The following ATP2B2 variants were observed in gnomAD, a reference collection of about 807,000 sequenced individuals.
ATP2B2 encodes the protein plasma membrane calcium-transporting ATPase 2.
Under a neutral mutation model 120.0 loss-of-function variants are expected in ATP2B2, and 15 were observed. The observed-to-expected ratio is 0.12, with a 90% CI of 0.08 to 0.19. The LOEUF is 0.19. ATP2B2 is among the 10% of genes least tolerant of loss of function. The pLI, the probability that ATP2B2 is intolerant of heterozygous loss-of-function variation, is 1.00. For missense variants in ATP2B2, 1,045 were observed against 1,719.8 expected, an observed-to-expected ratio of 0.61 and a Z score of 6.94; for synonymous variants, 694 against 700.3, an observed-to-expected ratio of 0.99 and a Z score of 0.14.
chr3:10,683,510 C>A (rs1029701861), intron 1 of ATP2B2, among the ~76,000 whole-genome samples: 1 of 151,686 alleles, frequency 6.6e-6, no homozygotes, highest in African/African-American at 2.4e-5. Flanking sequence ...ACCTTAAGAT[C>A]CTCTGCCAGA....
rs376461116 is a variant in ATP2B2 at position 10,659,523 on chromosome 3, T to G, written c.-459-39562A>C. Among the ~76,000 whole-genome samples the G allele has an allele frequency of 1.2e-4, 18 of 152,274 alleles. No homozygotes were observed. In the East Asian group the frequency reaches 3.3e-3, roughly 28 times the overall value. On this transcript the variant is annotated intron_variant, in intron 1 of 21. Coordinates refer to the ATP2B2 transcript ENST00000646379. ...AGGCCATTACATAATGGTAAAGGGA[T>G]CAATTCAACAAGAAGAGCTAACTAT...
chr3:10,503,793 G>T (rs996529607), intron 1 of ATP2B2, among the ~76,000 whole-genome samples: 1 of 152,240 alleles, frequency 6.6e-6, no homozygotes, highest in Non-Finnish European at 1.5e-5. Flanking sequence ...GCCCTCAGGT[G>T]GGTACACACA....
intron 2 of ATP2B2, among the ~76,000 whole-genome samples, chr3:10,429,497 G>A (rs188200956): frequency 1.4e-4 from 22 of 152,064 alleles, no homozygotes; most frequent in African/African-American, 3.4e-4. Flanking sequence ...TATTGTAACC[G>A]TTTTGGGGCA....
intron 2 of ATP2B2, among the ~76,000 whole-genome samples, chr3:10,558,806 G>A (rs774213512): frequency 9.9e-5 from 15 of 152,122 alleles, no homozygotes; most frequent in Non-Finnish European, 1.6e-4. Flanking sequence ...ATGGATGAGG[G>A]GAGAGCACGG....
intron 1 of ATP2B2, among the ~76,000 whole-genome samples, chr3:10,698,462 C>T (rs1483335527): frequency 6.6e-6 from 1 of 152,170 alleles, no homozygotes; most frequent in African/African-American, 2.4e-5. Flanking sequence ...TCAGCTGAGT[C>T]AGGAAATCCA....
intron 2 of ATP2B2, among the ~76,000 whole-genome samples, chr3:10,421,358 TCTC>T (rs2062974513): frequency 6.6e-6 from 1 of 151,994 alleles, no homozygotes. Flanking sequence ...ACAGGGCCCT[TCTC>T]CTTCCCTGAA....
At chr3:10,508,968 G>A (rs926592411), upstream of ATP2B2, among the ~76,000 whole-genome samples, 2 of 152,198 alleles carry the variant, frequency 1.3e-5, no homozygotes, top group Admixed American at 6.5e-5. Context: ...GGAAGGAGGA[G>A]CCAGCCAATC....
chr3:10,482,693 C>T (rs982989083), intron 1 of ATP2B2, among the ~76,000 whole-genome samples: 1 of 152,254 alleles, frequency 6.6e-6, no homozygotes, highest in Non-Finnish European at 1.5e-5. Context: ...CCAGTCACAG[C>T]TGCCTTCTCA....
intron 1 of ATP2B2, among the ~76,000 whole-genome samples, chr3:10,671,323 C>G (rs1040199280): frequency 6.6e-6 from 1 of 152,172 alleles, no homozygotes; most frequent in East Asian, 1.9e-4. Context: ...GTTTGGGGCC[C>G]TCTCTGTGCC....
chr3:10,355,562 C>T (rs1453429662), intron 14 of ATP2B2, among the ~76,000 whole-genome samples: 1 of 152,314 alleles, frequency 6.6e-6, no homozygotes, highest in South Asian at 2.1e-4. Flanking sequence ...GCTGAGAACA[C>T]TGAGGCTCAG....
intron 1 of ATP2B2, among the ~76,000 whole-genome samples, chr3:10,451,248 C>T (rs2064035626): frequency 6.6e-6 from 1 of 152,158 alleles, no homozygotes; most frequent in South Asian, 2.1e-4. Context: ...GGGGGTGCTC[C>T]CGCGTTTGTC....
intron 3 of ATP2B2, among the ~76,000 whole-genome samples, chr3:10,519,829 T>C (rs1311125316): frequency 6.6e-6 from 1 of 152,270 alleles, no homozygotes; most frequent in Non-Finnish European, 1.5e-5. Flanking sequence ...CTCCACTCTC[T>C]GTGCCAGCAC....
intron 22 of ATP2B2, among the ~76,000 whole-genome samples, chr3:10,336,776 A>G (rs1001880656): frequency 6.6e-6 from 1 of 152,224 alleles, no homozygotes; most frequent in Non-Finnish European, 1.5e-5. Context: ...AGAAGGGTCA[A>G]TGCCACCTGC....
In ATP2B2 at chr3:10,657,592, C is replaced by T. The variant is rs570861017; in HGVS notation, c.-459-37631G>A. ...CTGTGGCTTGAGTAGGTAAACAAAG[C>T]GGCCTGGAAGCTTGAACTGGGTGGA... On this transcript the variant is annotated intron_variant, in intron 1 of 21. Coordinates refer to the ATP2B2 transcript ENST00000646379. Among the ~76,000 whole-genome samples the T allele has an allele frequency of 2.9e-3, 435 of 152,334 alleles. 3 individuals are homozygous for T. The highest frequency in any genetic ancestry group is 4.9e-3 in the Non-Finnish European group (331 of 68,028).
At chr3:10,627,804 C>T (rs891317206) in intron 1 of ATP2B2, among the ~76,000 whole-genome samples, 24 of 152,162 alleles carry the variant, frequency 1.6e-4, no homozygotes, top group African/African-American at 5.6e-4. Context: ...TGTCTGACCT[C>T]GTGGCCTTCA....
intron 2 of ATP2B2, among the ~76,000 whole-genome samples, chr3:10,569,423 T>C (rs1313686800): frequency 6.6e-6 from 1 of 152,190 alleles, no homozygotes; most frequent in East Asian, 1.9e-4. Context: ...AGAAATAGGA[T>C]TGGGGGCCAA....
At chr3:10,580,806 G>C (rs372793273) in intron 2 of ATP2B2, among the ~76,000 whole-genome samples, 1 of 152,184 alleles carries the variant, frequency 6.6e-6, no homozygotes, top group East Asian at 1.9e-4. Context: ...GCCACATCAG[G>C]CTTCAATTGC....
At chr3:10,576,947 G>A (rs552093943) in intron 2 of ATP2B2, among the ~76,000 whole-genome samples, 20 of 151,514 alleles carry the variant, frequency 1.3e-4, no homozygotes, top group South Asian at 1.0e-3. Flanking sequence ...CCAGCTACTC[G>A]GGAGGCTGAG....
intron 3 of ATP2B2, among the ~76,000 whole-genome samples, chr3:10,529,722 G>A (rs1353168485): frequency 2.6e-5 from 4 of 152,202 alleles, no homozygotes; most frequent in Non-Finnish European, 5.9e-5. Context: ...CCCAGAATGT[G>A]AGGTACAGAT....
Sources: gnomAD v4.1 joint callset for allele counts (sites outside exome capture counted in the v4.1 genomes callset) on GRCh38, gnomAD v4.1.1 for gene constraint, MANE v1.5 for transcripts, NCBI Gene and HGNC (gene_info 2026-07-23, HGNC 2026-07-21) for gene names.